Variants in EPHA10 observed in about 807,000 individuals in gnomAD.
The protein encoded by EPHA10 is ephrin type-A receptor 10.
Under a neutral mutation model 109.7 loss-of-function variants are expected in EPHA10, and 120 were observed. The ratio of observed to expected loss-of-function variants is 1.09; its 90% CI spans 0.94 to 1.27. EPHA10 has a LOEUF of 1.27. Among genes scored for constraint, EPHA10 ranks in the 50% most tolerant of loss-of-function variants. EPHA10 has a pLI of 0.00. For synonymous variants in EPHA10, 640 were observed against 618.9 expected, an observed-to-expected ratio of 1.03 and a Z score of -0.51; for missense variants, 1,396 against 1,411.1, an observed-to-expected ratio of 0.99 and a Z score of 0.17.
rs1220120707 is a variant in EPHA10, at chr1:37,718,320, GCTGGGGGA to G, written c.*44_*51del. ...CAGCTTGCCACGGTCCTTGGGCAGG[GCTGGGGGA>G]CTGGACCCCCACCGGAGTCCTGCCT... On this transcript the variant is annotated 3_prime_UTR_variant, in exon 17 of 17. Transcript: ENST00000373048. 7 of 1,472,538 alleles carry G rather than the reference GCTGGGGGA, an allele frequency of 4.8e-6. 1 individual carries two copies. The highest frequency in any genetic ancestry group is 6.5e-6 in the Non-Finnish European group (7 of 1,075,440). The allele number at this position is 1,472,538 out of a possible 1,614,324, so 91.2% of individuals were successfully genotyped here.
At position 37,756,041 on chromosome 1, in the gene EPHA10, C is replaced by T. The variant is rs147978412; in HGVS notation, c.851-1671G>A. Among the ~76,000 whole-genome samples, 37 of 152,238 alleles carry T rather than the reference C, an allele frequency of 2.4e-4. No homozygotes were observed. The East Asian group carries it at 7.2e-3, about 29-fold the overall frequency. Reference sequence around the variant, plus strand: ...TAGGTTTGAGAGGGTCCATCTTGCCCAGAGTTCTGGGCAGCACAACTCTGG... The same window carrying T: ...TAGGTTTGAGAGGGTCCATCTTGCCTAGAGTTCTGGGCAGCACAACTCTGG... On this transcript the variant is annotated intron_variant, in intron 3 of 16. Transcript: ENST00000373048.
At chr1:37,744,498 TA>T (rs60498683) in intron 5 of EPHA10, among the ~76,000 whole-genome samples, 2,697 of 136,448 alleles carry the variant, frequency 0.02, 61 homozygotes, top group African/African-American at 0.061. Flanking sequence ...CCAGCCCATC[TA>T]AAAAAAAAAA....
At chr1:37,733,315 G>C (rs563128177) in intron 6 of EPHA10, among the ~76,000 whole-genome samples, 1 of 151,844 alleles carries the variant, frequency 6.6e-6, no homozygotes. Context: ...TCGACTTCCC[G>C]GGCTCAAGCG....
At chr1:37,746,095 T>G (rs1646236323) in intron 5 of EPHA10, among the ~76,000 whole-genome samples, 1 of 132,744 alleles carries the variant, frequency 7.5e-6, no homozygotes, top group Admixed American at 7.8e-5. Flanking sequence ...CCTTTTCTTT[T>G]CTTTTCTTTT....
intron 11 of EPHA10, 60 bp downstream of exon 11, chr1:37,721,600 C>T (rs755388576): frequency 1.4e-5 from 21 of 1,504,618 alleles, no homozygotes; most frequent in Admixed American, 8.2e-5. Context: ...ACTCCCACAC[C>T]ATCATTTCCA....
intron 6 of EPHA10, 59 bp downstream of exon 6, chr1:37,735,198 A>G: frequency 3.2e-6 from 5 of 1,549,194 alleles, no homozygotes; most frequent in Non-Finnish European, 3.5e-6. Context: ...CTGAAGAACC[A>G]GAAGCCCTGC....
At chr1:37,729,688 T>C (rs1309319067) in intron 7 of EPHA10, among the ~76,000 whole-genome samples, 1 of 152,070 alleles carries the variant, frequency 6.6e-6, no homozygotes, top group Non-Finnish European at 1.5e-5. Context: ...GAAACCAGCC[T>C]GAGCAACATA....
At chr1:37,722,152 T>C (rs1645809034) in intron 10 of EPHA10, 2 of 269,854 alleles carry the variant, frequency 7.4e-6, no homozygotes, top group Non-Finnish European at 7.2e-6. Context: ...TGACTCCAGA[T>C]CATGGACTGT....
At chr1:37,728,472 G>A (rs951146676) in intron 7 of EPHA10, among the ~76,000 whole-genome samples, 2 of 152,196 alleles carry the variant, frequency 1.3e-5, no homozygotes, top group African/African-American at 4.8e-5. Flanking sequence ...AAGTGGCCCT[G>A]AAGACTGAAC....
At chr1:37,723,990 G>A (rs1295698294) in intron 8 of EPHA10, among the ~76,000 whole-genome samples, 3 of 152,254 alleles carry the variant, frequency 2.0e-5, no homozygotes, top group African/African-American at 7.2e-5. Flanking sequence ...AAAGACTTTG[G>A]CTTTTATTCT....
chr1:37,753,695 CGGG>C lies in EPHA10; in HGVS notation c.1007-472_1007-470del, dbSNP rs1557557140. ...AGGGGTGAGTGGGAGCAGGGGCGAGCGGGAGCAGGGGTGAGTGGGAGCAGGGGC... is the reference window on the plus strand; with the variant it reads ...AGGGGTGAGTGGGAGCAGGGGCGAGCAGCAGGGGTGAGTGGGAGCAGGGGC... On this transcript the variant is annotated intron_variant, in intron 4 of 16. Coordinates refer to ENST00000373048, the MANE Select transcript of EPHA10 (RefSeq NM_001099439.2). Among the ~76,000 whole-genome samples, 127 of 76,232 alleles carry C rather than the reference CGGG, an allele frequency of 1.7e-3. 5 individuals are homozygous for C. The South Asian group carries it at 0.054, about 33-fold the overall frequency. 50.0% of individuals were successfully genotyped at this position (76,232 alleles called of 152,430 possible). A position where few individuals can be genotyped will look rare whatever the true frequency, so the allele number is the denominator to read the frequency against.
chr1:37,724,138 T>A (rs1476530807), intron 8 of EPHA10, among the ~76,000 whole-genome samples: 3 of 152,130 alleles, frequency 2.0e-5, no homozygotes, highest in African/African-American at 7.2e-5. Flanking sequence ...TGGTTCTAGC[T>A]ATGGGGTCAA....
chr1:37,719,835 G>A (rs201902034), intron 14 of EPHA10, 74 bp downstream of exon 14: 24 of 1,608,326 alleles, frequency 1.5e-5, no homozygotes, highest in African/African-American at 5.3e-5. Flanking sequence ...GAGGGCCAAC[G>A]GGCAGAGGTC....
intron 15 of EPHA10, 194 bp from the exon 16 acceptor site, chr1:37,719,010 G>T: frequency 1.4e-6 from 1 of 708,762 alleles, no homozygotes; most frequent in Non-Finnish European, 2.3e-6. Flanking sequence ...GCAGGTGGAG[G>T]CAGAGCCAGC....
rs942597118 is a variant in EPHA10, at chr1:37,753,059, A to G, written c.1174T>C (p.Cys392Arg). Residue 392 changes from cysteine (C) to arginine (R), a missense_variant, in exon 5 of 17, where the codon TGC becomes CGC. Physicochemically the swap from Cys to Arg is radical, Grantham distance 180 (BLOSUM62 -3). Transcript: ENST00000373048. The stretch of plus-strand genomic sequence containing the variant: ...GGTAGGAAGGCCACGCGCGGCCCGC[A>G]CGGCTCGCAGGCGCCCGCCGGGCCC... Reference protein sequence around the residue: ...REGPAGACEPCGPRVAFLPRQ... With the variant: ...REGPAGACEPRGPRVAFLPRQ... 14 of 1,259,236 alleles carry G rather than the reference A, an allele frequency of 1.1e-5. No individual in the cohort carries two copies. The African/African-American group carries it at 2.1e-4, about 19-fold the overall frequency. The allele number at this position is 1,259,236 out of a possible 1,614,324, so 78.0% of individuals were successfully genotyped here.
rs1645756228 is a variant in EPHA10 at position 37,719,714 on chromosome 1, G to A, written c.2563-107C>T. Reference sequence around the variant, plus strand: ...CAGACACAGACACACACACACACATGCGCACACACAGACACAGACACACAC... The same window carrying A: ...CAGACACAGACACACACACACACATACGCACACACAGACACAGACACACAC... On this transcript the variant is annotated intron_variant, in intron 14 of 16. Transcript: ENST00000373048. 2.8e-6 allele frequency: 4 copies of A among 1,410,104 alleles called. No homozygotes were observed. In the East Asian group the frequency reaches 7.0e-5, roughly 25 times the overall value. 87.3% of individuals were successfully genotyped at this position (1,410,104 alleles called of 1,614,324 possible).
rs750141105 is a variant in EPHA10, at chr1:37,731,354, A to G, written c.1663+57T>C. 7 of 1,488,068 alleles carry G rather than the reference A, an allele frequency of 4.7e-6. No individual in the cohort carries two copies. In the Admixed American group the frequency reaches 1.1e-4, roughly 23 times the overall value. The allele number at this position is 1,488,068 out of a possible 1,614,324, so 92.2% of individuals were successfully genotyped here. On this transcript the variant is annotated intron_variant, in intron 7 of 16. Transcript: ENST00000373048. ...CCCCCTCTATTTGTCTCCCTACCTC[A>G]GCCCCGTGCAGGGTTCTCTCTGTCT...
intron 3 of EPHA10, 130 bp downstream of exon 3, chr1:37,761,275 G>C: frequency 6.6e-7 from 1 of 1,516,658 alleles, no homozygotes; most frequent in East Asian, 2.3e-5. Context: ...GCTCTCCTTG[G>C]GCTCCAGAGT....
rs750935415 is a variant in EPHA10 at position 37,731,481 on chromosome 1, G to T, written c.1593C>A (p.Ala531=). The change falls in exon 7 of 17, where the codon GCC becomes GCA. Residue 531 remains alanine, a synonymous_variant. Coordinates refer to ENST00000373048, the MANE Select transcript of EPHA10 (RefSeq NM_001099439.2). ...CCTCCCAGGATGGCCCCGGGGAAGCGGCCCGGATCTGAAAGACGTAGCGGG... is the reference window on the plus strand; with the variant it reads ...CCTCCCAGGATGGCCCCGGGGAAGCTGCCCGGATCTGAAAGACGTAGCGGG... ...PATRYVFQIR[A]ASPGPSWEAQ... is the part of the protein sequence containing the mutation. 3.7e-6 allele frequency: 6 copies of T among 1,613,922 alleles called. No homozygotes were observed. The highest frequency in any genetic ancestry group is 4.2e-6 in the Non-Finnish European group (5 of 1,179,982).
Sources: allele counts gnomAD v4.1 joint callset (sites outside exome capture counted in the v4.1 genomes callset), GRCh38; gene constraint gnomAD v4.1.1; transcripts MANE v1.5; gene names NCBI Gene and HGNC (gene_info 2026-07-23, HGNC 2026-07-21).